SPRED2: variants seen among roughly 807,000 people sequenced by gnomAD.
SPRED2 encodes the protein sprouty-related, EVH1 domain-containing protein 2.
Under a neutral mutation model 43.0 loss-of-function variants are expected in SPRED2, and 47 were observed. That is an observed-to-expected ratio of 1.09 (90% confidence interval 0.87 to 1.40). The LOEUF (loss-of-function observed/expected upper bound fraction) is 1.40. Ranked by LOEUF, SPRED2 falls within the 40% of genes most tolerant of loss-of-function variation. SPRED2 has a pLI of 0.00. For missense variants in SPRED2, 561 were observed against 586.4 expected, an observed-to-expected ratio of 0.96 and a Z score of 0.45; for synonymous variants, 225 against 225.7, an observed-to-expected ratio of 1.00 and a Z score of 0.03.
chr2:65,338,741 G>C (rs1247048562), intron 2 of SPRED2, among the ~76,000 whole-genome samples: 6 of 150,840 alleles, frequency 4.0e-5, no homozygotes, highest in African/African-American at 1.5e-4. Flanking sequence ...AGTGAGGAGC[G>C]TCTCTGCCTG....
Position 65,312,640 on chromosome 2 carries a change from A to T in SPRED2, c.*861T>A. 1 of 985,894 alleles carries T rather than the reference A, an allele frequency of 1.0e-6. No homozygotes were observed. The highest frequency in any genetic ancestry group is 1.2e-6 in the Non-Finnish European group (1 of 829,932). The allele number at this position is 985,894 out of a possible 1,614,324, so 61.1% of individuals were successfully genotyped here. ...AATTTTTAGAAGTGGTGGCAACACA[A>T]TTTAAAAAATGTTCTACTTTAGGGG... On this transcript the variant is annotated 3_prime_UTR_variant, in exon 6 of 6. Transcript: ENST00000356388.
intron 1 of SPRED2, among the ~76,000 whole-genome samples, chr2:65,363,639 T>C (rs77412058): frequency 0.012 from 1,809 of 152,270 alleles, 33 homozygotes; most frequent in African/African-American, 0.04. Context: ...CAGCAGGCGA[T>C]AGACAGGCCA....
At position 65,334,470 on chromosome 2, in the gene SPRED2, G is replaced by A; in HGVS notation, c.373+135C>T. On this transcript the variant is annotated intron_variant, in intron 3 of 5. Coordinates refer to ENST00000356388, the MANE Select transcript of SPRED2 (RefSeq NM_181784.3). Reference sequence around the variant, plus strand: ...ATTACTCTCCTTGGAAATTCCAAAAGTTTTGGCATCTACTGACCTGGTCCC... The same window carrying A: ...ATTACTCTCCTTGGAAATTCCAAAAATTTTGGCATCTACTGACCTGGTCCC... 8 of 1,002,404 alleles carry A rather than the reference G, an allele frequency of 8.0e-6. No homozygotes were observed. The South Asian group carries it at 1.3e-4, about 16-fold the overall frequency. The allele number at this position is 1,002,404 out of a possible 1,614,324, so 62.1% of individuals were successfully genotyped here.
intron 4 of SPRED2, among the ~76,000 whole-genome samples, chr2:65,319,926 C>CA (rs1192531004): frequency 6.6e-6 from 1 of 152,202 alleles, no homozygotes; most frequent in Non-Finnish European, 1.5e-5. Context: ...ATAGGCCCCA[C>CA]ACACTGCTGC....
At chr2:65,386,746 T>G (rs1675512203) in intron 1 of SPRED2, among the ~76,000 whole-genome samples, 2 of 152,246 alleles carry the variant, frequency 1.3e-5, no homozygotes, top group Admixed American at 6.5e-5. Context: ...TGTCATTCTG[T>G]ATATTCAGAG....
chr2:65,409,557 A>AC (rs1676102495), intron 1 of SPRED2, among the ~76,000 whole-genome samples: 2 of 152,138 alleles, frequency 1.3e-5, no homozygotes, highest in Non-Finnish European at 2.9e-5. Context: ...CTATAATAAC[A>AC]CAGCTTTTAG....
In SPRED2 at chr2:65,401,937, G is replaced by GCGCGCGCACACACACACA. The variant is rs776512353; in HGVS notation, c.26+30024_26+30025insTGTGTGTGTGTGCGCGCG. Among the ~76,000 whole-genome samples the GCGCGCGCACACACACACA allele has an allele frequency of 5.6e-3, 640 of 114,724 alleles. 2 individuals are homozygous for GCGCGCGCACACACACACA. Among genetic ancestry groups the GCGCGCGCACACACACACA allele is most frequent in the Non-Finnish European group, 8.3e-3 (445 of 53,636 alleles). 75.3% of individuals were successfully genotyped at this position (114,724 alleles called of 152,430 possible). ...ACGATCAGAATATTAGCGCGCGCGC[G>GCGCGCGCACACACACACA]CACACACACACACACACACACACAC... On this transcript the variant is annotated intron_variant, in intron 1 of 5. Coordinates refer to ENST00000356388, the MANE Select transcript of SPRED2 (RefSeq NM_181784.3).
intron 1 of SPRED2, among the ~76,000 whole-genome samples, chr2:65,364,282 G>A (rs181502958): frequency 6.6e-6 from 1 of 152,352 alleles, no homozygotes; most frequent in Admixed American, 6.5e-5. Flanking sequence ...ATTAAGAGAA[G>A]AACCGGACTG....
At chr2:65,397,671 C>G (rs142393973) in intron 1 of SPRED2, among the ~76,000 whole-genome samples, 36 of 150,986 alleles carry the variant, frequency 2.4e-4, no homozygotes, top group African/African-American at 8.5e-4. Context: ...AATCCACAGA[C>G]CCAGGCCTTT....
At chr2:65,354,785 A>G (rs1001333615) in intron 1 of SPRED2, among the ~76,000 whole-genome samples, 1 of 152,250 alleles carries the variant, frequency 6.6e-6, no homozygotes, top group African/African-American at 2.4e-5. Context: ...TAAAACCCTA[A>G]CATGGGGCAG....
intron 1 of SPRED2, among the ~76,000 whole-genome samples, chr2:65,396,990 C>A (rs1675773916): frequency 6.6e-6 from 1 of 152,140 alleles, no homozygotes; most frequent in Non-Finnish European, 1.5e-5. Flanking sequence ...CACTTACACC[C>A]CACAACCAAC....
At chr2:65,327,713 C>CTTTTTTTTTTTTT (rs555549300) in intron 4 of SPRED2, among the ~76,000 whole-genome samples, 33 of 74,448 alleles carry the variant, frequency 4.4e-4, no homozygotes, top group Non-Finnish European at 5.3e-4. Flanking sequence ...TTCTTTCTTT[C>CTTTTTTTTTTTTT]TTTTTTTTTT....
chr2:65,373,311 A>G (rs922466121), intron 1 of SPRED2, among the ~76,000 whole-genome samples: 1 of 152,172 alleles, frequency 6.6e-6, no homozygotes, highest in Non-Finnish European at 1.5e-5. Flanking sequence ...CCTAACAATA[A>G]AAGTACCCCA....
intron 2 of SPRED2, among the ~76,000 whole-genome samples, chr2:65,338,595 C>T (rs1473784694): frequency 6.6e-6 from 1 of 151,296 alleles, no homozygotes; most frequent in Non-Finnish European, 1.5e-5. Context: ...CTCATTCACT[C>T]AGTGCTCAAT....
intron 1 of SPRED2, chr2:65,377,785 T>G (rs1341685682): frequency 2.2e-6 from 1 of 458,248 alleles, no homozygotes; most frequent in Non-Finnish European, 4.5e-6. Context: ...GCGGCAGTCC[T>G]CAGCAGAGAC....
At chr2:65,323,080 C>G (rs948865358) in intron 4 of SPRED2, among the ~76,000 whole-genome samples, 1 of 152,312 alleles carries the variant, frequency 6.6e-6, no homozygotes, top group Non-Finnish European at 1.5e-5. Context: ...CCGCAACCTC[C>G]GCCTCCTGGG....
rs116071431 is a variant in SPRED2, at chr2:65,411,482, C to G, written c.26+20480G>C. Reference sequence around the variant, plus strand: ...ACTTATTCCTATATGCTGAAACGGGCCACACATGCATAGGTTGTGTGAAGT... The same window carrying G: ...ACTTATTCCTATATGCTGAAACGGGGCACACATGCATAGGTTGTGTGAAGT... On this transcript the variant is annotated intron_variant, in intron 1 of 5. Coordinates refer to ENST00000356388, the MANE Select transcript of SPRED2 (RefSeq NM_181784.3). Among the ~76,000 whole-genome samples, 1,109 of 152,252 alleles carry G rather than the reference C, an allele frequency of 7.3e-3. 4 individuals are homozygous for G. Among genetic ancestry groups the G allele is most frequent in the Non-Finnish European group, 0.01 (712 of 68,024 alleles).
intron 1 of SPRED2, among the ~76,000 whole-genome samples, chr2:65,407,313 A>G (rs1320384096): frequency 6.9e-6 from 1 of 144,564 alleles, no homozygotes; most frequent in Non-Finnish European, 1.5e-5. Context: ...TGAACTGACA[A>G]TGAAGACTCC....
intron 1 of SPRED2, among the ~76,000 whole-genome samples, chr2:65,402,188 AGAATCACTTGAGCCCGGGAGGC>A (rs905740433): frequency 2.1e-5 from 3 of 144,306 alleles, no homozygotes; most frequent in African/African-American, 7.7e-5. Context: ...CTGAGGCACG[AGAATCACTTGAGCCCGGGAGGC>A]GAAGGTTTCA....
Sources: gnomAD v4.1 joint callset for allele counts (sites outside exome capture counted in the v4.1 genomes callset) on GRCh38, gnomAD v4.1.1 for gene constraint, MANE v1.5 for transcripts, NCBI Gene and HGNC (gene_info 2026-07-23, HGNC 2026-07-21) for gene names.